TIMD4: variants seen among roughly 807,000 people sequenced by gnomAD.
TIMD4 encodes T cell immunoglobulin and mucin domain containing 4.
In TIMD4, 31 loss-of-function variants were observed where a neutral mutation model predicts 41.2. The observed-to-expected ratio is 0.75, with a 90% CI of 0.57 to 1.01. The LOEUF is 1.01. TIMD4 is among the 50% of genes least tolerant of loss of function. The pLI, the probability that TIMD4 is intolerant of heterozygous loss-of-function variation, is 0.00. For synonymous variants in TIMD4, 204 were observed against 177.1 expected, an observed-to-expected ratio of 1.15 and a Z score of -1.21; for missense variants, 479 against 472.5, an observed-to-expected ratio of 1.01 and a Z score of -0.13.
In TIMD4 at chr5:156,954,614, C is replaced by T. The variant is rs139174444; in HGVS notation, c.201G>A (p.Ala67=). 5.0e-4 allele frequency: 799 copies of T among 1,614,098 alleles called. 1 individual carries two copies. Among genetic ancestry groups the T allele is most frequent in the Middle Eastern group, 6.6e-4 (4 of 6,084 alleles). Residue 67 remains alanine (A), a synonymous_variant, in exon 2 of 9, where the codon GCG becomes GCA. Transcript: ENST00000274532. The part of the protein sequence containing the change: ...DQCPYSGCKE[A]LIRTDGMRVT... ...CCCTCATTCCATCAGTGCGGATGAG[C>T]GCCTCCTTGCAACCGGAGTAGGGGC...
intron 4 of TIMD4, among the ~76,000 whole-genome samples, 199 bp downstream of exon 4, chr5:156,949,451 TC>T (rs1561552180): frequency 6.7e-6 from 1 of 149,920 alleles, no homozygotes; most frequent in Non-Finnish European, 1.5e-5. Flanking sequence ...CTCCTCCTCC[TC>T]CTTCTCTCTC....
chr5:156,944,345 T>A (rs1181932043), intron 5 of TIMD4, among the ~76,000 whole-genome samples: 1 of 152,178 alleles, frequency 6.6e-6, no homozygotes, highest in Non-Finnish European at 1.5e-5. Flanking sequence ...CACACATACA[T>A]ACAATTATGC....
chr5:156,948,528 C>T (rs1241325224), intron 4 of TIMD4, 29 bp from the exon 5 acceptor site: 2 of 1,474,500 alleles, frequency 1.4e-6, no homozygotes, highest in Non-Finnish European at 1.8e-6. Context: ...AAACAGAAAA[C>T]AGACTTAGGT....
chr5:156,948,350 T>C lies in TIMD4; in HGVS notation c.844+66A>G, dbSNP rs1315327005. 4 of 916,176 alleles carry C rather than the reference T, an allele frequency of 4.4e-6. No homozygotes were observed. In the African/African-American group the frequency reaches 5.3e-5, roughly 12 times the overall value. 56.8% of individuals were successfully genotyped at this position (916,176 alleles called of 1,614,324 possible). A position where few individuals can be genotyped will look rare whatever the true frequency, so the allele number is the denominator to read the frequency against. ...AAAAAAAAAAAAAAGCAAGATTCTG[T>C]CTAAAAAAAATAATAATAATAATTA... On this transcript the variant is annotated intron_variant, in intron 5 of 8. Coordinates refer to ENST00000274532, the MANE Select transcript of TIMD4 (RefSeq NM_138379.3).
intron 6 of TIMD4, chr5:156,924,479 C>T (rs948557422): frequency 2.3e-5 from 11 of 483,132 alleles, no homozygotes; most frequent in Non-Finnish European, 4.6e-5. Flanking sequence ...GTTTTGCTGG[C>T]CTTGTTGGAC....
At chr5:156,939,694 C>G (rs1174663924) in intron 5 of TIMD4, among the ~76,000 whole-genome samples, 1 of 152,204 alleles carries the variant, frequency 6.6e-6, no homozygotes, top group Non-Finnish European at 1.5e-5. Context: ...ATTCTCCCAA[C>G]TGCAGAGAAT....
At chr5:156,921,079 A>G (rs958102563) in intron 7 of TIMD4, among the ~76,000 whole-genome samples, 1 of 136,146 alleles carries the variant, frequency 7.3e-6, no homozygotes, top group African/African-American at 2.8e-5. Flanking sequence ...CCTGAAAACC[A>G]TAAGCTGTTT....
chr5:156,955,727 G>A (rs531103410), intron 1 of TIMD4, among the ~76,000 whole-genome samples: 7 of 152,062 alleles, frequency 4.6e-5, no homozygotes, highest in Non-Finnish European at 8.8e-5. Context: ...CTGTAAAACT[G>A]TATTCCATTT....
intron 5 of TIMD4, among the ~76,000 whole-genome samples, chr5:156,939,201 G>T (rs912675797): frequency 6.6e-6 from 1 of 152,164 alleles, no homozygotes; most frequent in Non-Finnish European, 1.5e-5. Context: ...AGAGACCTGG[G>T]ATTCAAATTC....
At chr5:156,959,707 T>A (rs1426073892) in intron 1 of TIMD4, among the ~76,000 whole-genome samples, 1 of 152,158 alleles carries the variant, frequency 6.6e-6, no homozygotes, top group Non-Finnish European at 1.5e-5. Flanking sequence ...CCTTGGTGAT[T>A]CTGAGCAGTC....
At chr5:156,953,736 G>T (rs1361162473) in intron 2 of TIMD4, among the ~76,000 whole-genome samples, 3 of 151,206 alleles carry the variant, frequency 2.0e-5, no homozygotes, top group Non-Finnish European at 4.4e-5. Flanking sequence ...ATCCAGTTAG[G>T]AATAGAGCCC....
chr5:156,957,419 A>T (rs1326096876), intron 1 of TIMD4, among the ~76,000 whole-genome samples: 1 of 149,686 alleles, frequency 6.7e-6, no homozygotes, highest in African/African-American at 2.4e-5. Context: ...AGGCTGAGGC[A>T]GGAGAATCGC....
chr5:156,941,058 G>C (rs1234943440), intron 5 of TIMD4, among the ~76,000 whole-genome samples: 1 of 145,212 alleles, frequency 6.9e-6, no homozygotes, highest in African/African-American at 2.5e-5. Flanking sequence ...GTCAACTCAG[G>C]GTTAAATGGA....
chr5:156,927,266 G>A (rs954853580), intron 5 of TIMD4, among the ~76,000 whole-genome samples: 2 of 152,266 alleles, frequency 1.3e-5, no homozygotes, highest in African/African-American at 4.8e-5. Flanking sequence ...ATAAATGTTT[G>A]TTGAATAACA....
At chr5:156,962,571 C>A (rs191283819) in intron 1 of TIMD4, among the ~76,000 whole-genome samples, 2 of 152,210 alleles carry the variant, frequency 1.3e-5, no homozygotes, top group South Asian at 4.2e-4. Flanking sequence ...ACAGTTAGTG[C>A]CCGAGACGCA....
intron 5 of TIMD4, among the ~76,000 whole-genome samples, chr5:156,930,325 G>A (rs904797955): frequency 6.6e-6 from 1 of 152,130 alleles, no homozygotes; most frequent in Non-Finnish European, 1.5e-5. Flanking sequence ...TATTGCCAGT[G>A]AAAAAAATGA....
intron 5 of TIMD4, among the ~76,000 whole-genome samples, chr5:156,933,886 T>G (rs1199939248): frequency 1.3e-5 from 2 of 152,186 alleles, no homozygotes; most frequent in Non-Finnish European, 2.9e-5. Context: ...GGAAAAAGTT[T>G]GCAGATCCCT....
intron 6 of TIMD4, among the ~76,000 whole-genome samples, chr5:156,922,549 G>A (rs1029507892): frequency 2.0e-5 from 3 of 152,176 alleles, no homozygotes; most frequent in African/African-American, 4.8e-5. Flanking sequence ...TTTCATGGCT[G>A]ACTTAGGCTT....
Position 156,952,626 on chromosome 5 carries a change from A to G in TIMD4, c.401-836T>C, listed in dbSNP as rs1264652416. ...GTCTCAGCTAAAGGTTACTTCTGCA[A>G]GGAGGCCATGTAGATTCTCCAATAA... On this transcript the variant is annotated intron_variant, in intron 2 of 8. Coordinates refer to ENST00000274532, the MANE Select transcript of TIMD4 (RefSeq NM_138379.3). Among the ~76,000 whole-genome samples the G allele has an allele frequency of 2.0e-5, 3 of 152,204 alleles. No individual in the cohort carries two copies. In the East Asian group the frequency reaches 5.8e-4, roughly 29 times the overall value.
Sources: gnomAD v4.1 joint callset for allele counts (sites outside exome capture counted in the v4.1 genomes callset) on GRCh38, gnomAD v4.1.1 for gene constraint, MANE v1.5 for transcripts, NCBI Gene and HGNC (gene_info 2026-07-23, HGNC 2026-07-21) for gene names.